MEF2A: variants seen among roughly 807,000 people sequenced by gnomAD.
MEF2A encodes the protein myocyte enhancer factor 2A.
A neutral mutation model predicts 55.8 loss-of-function variants in MEF2A; 28 were observed. That is an observed-to-expected ratio of 0.50 (90% CI 0.37 to 0.69). MEF2A has a LOEUF of 0.69. Ranked by LOEUF, MEF2A falls within the 30% of genes least tolerant of loss-of-function variation. The pLI, the probability that MEF2A is intolerant of heterozygous loss-of-function variation, is 0.00. For missense variants in MEF2A, 528 were observed against 626.2 expected, an observed-to-expected ratio of 0.84 and a Z score of 1.67; for synonymous variants, 239 against 227.1, an observed-to-expected ratio of 1.05 and a Z score of -0.47.
intron 3 of MEF2A, among the ~76,000 whole-genome samples, chr15:99,637,860 G>T (rs2044165767): frequency 6.6e-6 from 1 of 152,140 alleles, no homozygotes; most frequent in Admixed American, 6.5e-5. Context: ...AGCCAGGATG[G>T]TCTTGATCTC....
chr15:99,703,145 A>G (rs1229410613), intron 8 of MEF2A, among the ~76,000 whole-genome samples: 1 of 152,240 alleles, frequency 6.6e-6, no homozygotes, highest in Non-Finnish European at 1.5e-5. Context: ...GTCTTTGAAT[A>G]CTGGCCCTAG....
intron 1 of MEF2A, chr15:99,566,389 A>G (rs1959410399): frequency 1.2e-5 from 1 of 84,560 alleles, no homozygotes; most frequent in African/African-American, 4.8e-5. Context: ...GTCGGCGCTG[A>G]GGAGCTAGGC....
Position 99,576,973 on chromosome 15 carries a change from T to A in MEF2A, c.-225+10869T>A, listed in dbSNP as rs145184425. Among the ~76,000 whole-genome samples, 669 of 152,274 alleles carry A rather than the reference T, an allele frequency of 4.4e-3. 7 individuals carry two copies. Among genetic ancestry groups the A allele is most frequent in the African/African-American group, 0.015 (626 of 41,542 alleles). On this transcript the variant is annotated intron_variant, in intron 1 of 11. Coordinates refer to ENST00000557942, the MANE Select transcript of MEF2A (RefSeq NM_001319206.4). ...TAAACTTTAGTTTTTAACTTAAAAA[T>A]TTTAAAAGCCTAATTCCTGAAATTA...
At chr15:99,630,483 T>C (rs1008256169) in intron 2 of MEF2A, among the ~76,000 whole-genome samples, 4 of 143,714 alleles carry the variant, frequency 2.8e-5, no homozygotes, top group African/African-American at 9.7e-5. Flanking sequence ...AACATTTAAC[T>C]TGTTTTAAAC....
At chr15:99,659,161 G>T (rs960195745) in intron 4 of MEF2A, among the ~76,000 whole-genome samples, 19 of 152,094 alleles carry the variant, frequency 1.2e-4, no homozygotes, top group Non-Finnish European at 2.5e-4. Context: ...ATTCATTTAC[G>T]TGTGGAGATC....
chr15:99,648,403 A>G (rs1308869016), intron 4 of MEF2A, among the ~76,000 whole-genome samples: 1 of 152,142 alleles, frequency 6.6e-6, no homozygotes, highest in Non-Finnish European at 1.5e-5. Context: ...GATTTTATGT[A>G]TATTTATAAG....
intron 7 of MEF2A, among the ~76,000 whole-genome samples, chr15:99,685,113 A>G (rs923918985): frequency 6.6e-6 from 1 of 152,156 alleles, no homozygotes; most frequent in Non-Finnish European, 1.5e-5. Flanking sequence ...TATAGTTTGA[A>G]ATGGAAATAA....
chr15:99,585,691 C>T (rs1335640150), intron 1 of MEF2A, among the ~76,000 whole-genome samples: 1 of 130,880 alleles, frequency 7.6e-6, no homozygotes, highest in African/African-American at 2.5e-5. Context: ...GTGCTGAGCA[C>T]ATTACATGCT....
intron 9 of MEF2A, among the ~76,000 whole-genome samples, chr15:99,704,426 T>G (rs2057781754): frequency 6.6e-6 from 1 of 152,258 alleles, no homozygotes; most frequent in African/African-American, 2.4e-5. Context: ...GGAGAAACAC[T>G]TTACTTAATG....
chr15:99,602,220 G>A (rs528850305), intron 2 of MEF2A, among the ~76,000 whole-genome samples: 12 of 152,264 alleles, frequency 7.9e-5, no homozygotes, highest in Admixed American at 3.3e-4. Flanking sequence ...AGATCAGTGC[G>A]TGGTTTGACC....
At chr15:99,622,796 G>A (rs933590346) in intron 2 of MEF2A, among the ~76,000 whole-genome samples, 3 of 148,422 alleles carry the variant, frequency 2.0e-5, no homozygotes, top group Admixed American at 6.8e-5. Flanking sequence ...TCCGCCTCCC[G>A]GGTTCATGCC....
At chr15:99,668,347 A>G (rs2050195433) in intron 4 of MEF2A, among the ~76,000 whole-genome samples, 1 of 152,226 alleles carries the variant, frequency 6.6e-6, no homozygotes, top group Non-Finnish European at 1.5e-5. Flanking sequence ...GCAGCCTGTA[A>G]TGTATGTTGT....
chr15:99,695,083 G>A (rs918856653), intron 8 of MEF2A, among the ~76,000 whole-genome samples: 1 of 151,846 alleles, frequency 6.6e-6, no homozygotes, highest in Non-Finnish European at 1.5e-5. Context: ...CTAGAATCAG[G>A]CATTTCTCCA....
chr15:99,712,274 T>C lies in MEF2A; in HGVS notation c.1137-116T>C. 7.0e-7 allele frequency: 1 copy of C among 1,431,244 alleles called. No individual in the cohort carries two copies. Among genetic ancestry groups the C allele is most frequent in the Non-Finnish European group, 9.1e-7 (1 of 1,095,056 alleles). 88.7% of individuals were successfully genotyped at this position (1,431,244 alleles called of 1,614,324 possible). A position where few individuals can be genotyped will look rare whatever the true frequency, so the allele number is the denominator to read the frequency against. On this transcript the variant is annotated intron_variant, in intron 11 of 11. Coordinates refer to ENST00000557942, the MANE Select transcript of MEF2A (RefSeq NM_001319206.4). The surrounding 1 kb of genome is among the most constrained non-coding windows in gnomAD (Gnocchi z 4.1). The stretch of plus-strand genomic sequence containing the variant: ...ACGACCCAAACCAGTCTTGGGGAAC[T>C]CTGATAAGATTTCAGACTCTGGGCC...
intron 1 of MEF2A, among the ~76,000 whole-genome samples, chr15:99,591,684 T>TCA (rs951581760): frequency 6.6e-6 from 1 of 152,140 alleles, no homozygotes; most frequent in African/African-American, 2.4e-5. Flanking sequence ...AGGTTCTTCA[T>TCA]AATCTGTTTT....
At chr15:99,668,599 C>G (rs1403665504) in intron 4 of MEF2A, among the ~76,000 whole-genome samples, 1 of 152,196 alleles carries the variant, frequency 6.6e-6, no homozygotes, top group African/African-American at 2.4e-5. Flanking sequence ...ACTCTTGATG[C>G]ATTTTTCTAC....
In MEF2A at chr15:99,631,565, A is replaced by G. The variant is rs547718744; in HGVS notation, c.-142-1413A>G. 3.3e-5 allele frequency among the ~76,000 whole-genome samples: 5 copies of G among 152,274 alleles called. 1 individual carries two copies. The highest frequency in any genetic ancestry group is 1.2e-4 in the African/African-American group (5 of 41,554). On this transcript the variant is annotated intron_variant, in intron 2 of 11. Transcript: ENST00000557942. The stretch of plus-strand genomic sequence containing the variant: ...TAAATGAACTTTCTAGTTTGGAATT[A>G]TGCAAACTCATTTGCATTATGGTTT...
At chr15:99,603,190 G>A (rs1973908517) in intron 2 of MEF2A, among the ~76,000 whole-genome samples, 1 of 151,940 alleles carries the variant, frequency 6.6e-6, no homozygotes, top group Admixed American at 6.6e-5. Context: ...AATTTCCATT[G>A]TGATTTTTTT....
intron 3 of MEF2A, among the ~76,000 whole-genome samples, chr15:99,640,372 T>C (rs2044659094): frequency 6.6e-6 from 1 of 152,214 alleles, no homozygotes; most frequent in Non-Finnish European, 1.5e-5. Flanking sequence ...ATGTACCTTC[T>C]TGGCAAATTT....
Sources: gnomAD v4.1 joint callset for allele counts (sites outside exome capture counted in the v4.1 genomes callset) on GRCh38, gnomAD v4.1.1 for gene constraint, Gnocchi (gnomAD v3.1) non-coding constraint, MANE v1.5 for transcripts, NCBI Gene and HGNC (gene_info 2026-07-23, HGNC 2026-07-21) for gene names.